The following C8orf34 variants were observed in gnomAD, a reference collection of about 807,000 sequenced individuals.
C8orf34 encodes uncharacterized protein C8orf34.
Under a neutral mutation model 68.3 loss-of-function variants are expected in C8orf34, and 65 were observed. The observed-to-expected ratio is 0.95, with a 90% CI of 0.78 to 1.17. The LOEUF is 1.17. C8orf34 is among the 50% of genes most tolerant of loss of function. The pLI is 0.00. For synonymous variants in C8orf34, 244 were observed against 241.2 expected (o/e 1.01, Z -0.11); for missense variants, 664 against 655.4 (o/e 1.01, Z -0.14).
intron 3 of C8orf34, among the ~76,000 whole-genome samples, chr8:68,454,322 G>A (rs1341343234): frequency 6.6e-6 from 1 of 152,014 alleles, no homozygotes; most frequent in Non-Finnish European, 1.5e-5. Flanking sequence ...TTTTTTGGAA[G>A]AATAGATAAA....
intron 8 of C8orf34, among the ~76,000 whole-genome samples, chr8:68,666,036 T>A (rs920181956): frequency 1.3e-5 from 2 of 152,190 alleles, no homozygotes; most frequent in African/African-American, 4.8e-5. Flanking sequence ...GAATAATAGC[T>A]AATTTTTATT....
chr8:68,567,577 C>CTTTTTTTTTTTTTTTTTTTTTTTTTTTT (rs1160845483), intron 7 of C8orf34, among the ~76,000 whole-genome samples: 1 of 29,780 alleles, frequency 3.4e-5, no homozygotes, highest in African/African-American at 1.2e-4. Flanking sequence ...TTTCATTTAT[C>CTTTTTTTTTTTTTTTTTTTTTTTTTTTT]TTTTTTTTTT....
At chr8:68,708,866 T>G in intron 8 of C8orf34, 128 bp from the exon 9 acceptor site, 1 of 711,128 alleles carries the variant, frequency 1.4e-6, no homozygotes. Context: ...GAACTTGTAT[T>G]TCTATTTTGA....
rs754495271 is a variant in C8orf34 at position 68,640,383 on chromosome 8, T to A, written c.1113T>A (p.Leu371=). Residue 371 remains leucine, a synonymous_variant, in exon 8 of 14, where the codon CTT becomes CTA. Coordinates refer to ENST00000518698, the MANE Select transcript of C8orf34 (RefSeq NM_052958.4). ...EDDAMELLED[L]NDLRMEGVTT... ...TTGTTTGTGTTGTTACAGAGGATCT[T>A]AATGATTTAAGAATGGAGGGAGTAA... The A allele has an allele frequency of 1.2e-6, 2 of 1,613,266 alleles. No individual in the cohort carries two copies. Among genetic ancestry groups the A allele is most frequent in the Non-Finnish European group, 1.7e-6 (2 of 1,179,596 alleles).
At chr8:68,803,731 T>C (rs992373409) in intron 12 of C8orf34, among the ~76,000 whole-genome samples, 1 of 152,052 alleles carries the variant, frequency 6.6e-6, no homozygotes, top group South Asian at 2.1e-4. Flanking sequence ...TATAAGATAA[T>C]AGATAGTTTT....
chr8:68,542,706 T>G lies in C8orf34; in HGVS notation c.1105+9557T>G, dbSNP rs571568553. On this transcript the variant is annotated intron_variant, in intron 7 of 13. Coordinates refer to ENST00000518698, the MANE Select transcript of C8orf34 (RefSeq NM_052958.4). The stretch of plus-strand genomic sequence containing the variant: ...AAGCTTTCAACTGAGAGATAGAAAG[T>G]CTTGAAAACATACATTTTATTTATT... 3.2e-3 allele frequency among the ~76,000 whole-genome samples: 483 copies of G among 152,254 alleles called. 4 individuals carry two copies. Among genetic ancestry groups the G allele is most frequent in the African/African-American group, 0.011 (464 of 41,572 alleles).
chr8:68,351,247 G>T (rs1806500289), intron 1 of C8orf34, among the ~76,000 whole-genome samples: 1 of 151,870 alleles, frequency 6.6e-6, no homozygotes, highest in Admixed American at 6.6e-5. Flanking sequence ...TAGGATTCTT[G>T]GTTGAATAAT....
At position 68,433,604 on chromosome 8, in the gene C8orf34, G is replaced by T. The variant is rs189826848; in HGVS notation, c.328-5895G>T. 9.2e-5 allele frequency among the ~76,000 whole-genome samples: 14 copies of T among 152,286 alleles called. No individual in the cohort carries two copies. The East Asian group carries it at 2.7e-3, about 29-fold the overall frequency. Reference sequence around the variant, plus strand: ...AGTGCCATGCTGGGTGTGTGCTGTGGTACCCAGAGCCAGGGTTTTTAACCT... The same window carrying T: ...AGTGCCATGCTGGGTGTGTGCTGTGTTACCCAGAGCCAGGGTTTTTAACCT... On this transcript the variant is annotated intron_variant, in intron 1 of 13. Transcript: ENST00000518698.
At chr8:68,484,728 C>A (rs1813002881) in intron 4 of C8orf34, among the ~76,000 whole-genome samples, 1 of 152,096 alleles carries the variant, frequency 6.6e-6, no homozygotes, top group African/African-American at 2.4e-5. Flanking sequence ...GAGCTTCATG[C>A]CTCTGTGAAG....
Position 68,502,214 on chromosome 8 carries a change from C to T in C8orf34, c.765+14163C>T, listed in dbSNP as rs563438893. Among the ~76,000 whole-genome samples the T allele has an allele frequency of 7.2e-5, 11 of 152,232 alleles. No individual in the cohort carries two copies. The South Asian group carries it at 1.7e-3, about 23-fold the overall frequency. On this transcript the variant is annotated intron_variant, in intron 5 of 13. Transcript: ENST00000518698. ...CTGAATAGCTGGGATTACAGGCGCA[C>T]GCCACCATGCCCGGCTAATTTTTGT... is the stretch of plus-strand genomic sequence containing the variant.
intron 5 of C8orf34, among the ~76,000 whole-genome samples, chr8:68,501,741 T>A (rs1813780799): frequency 6.6e-6 from 1 of 152,198 alleles, no homozygotes; most frequent in African/African-American, 2.4e-5. Flanking sequence ...TGTGAGTATC[T>A]GTCCCGTGAT....
At chr8:68,814,191 T>G (rs1193936439) in intron 12 of C8orf34, among the ~76,000 whole-genome samples, 1 of 152,184 alleles carries the variant, frequency 6.6e-6, no homozygotes, top group Non-Finnish European at 1.5e-5. Flanking sequence ...ACAAGCAGTA[T>G]CAGCATCAAC....
chr8:68,407,229 T>C (rs1248454531), intron 1 of C8orf34, among the ~76,000 whole-genome samples: 1 of 152,142 alleles, frequency 6.6e-6, no homozygotes, highest in Non-Finnish European at 1.5e-5. Flanking sequence ...TTTTTATCGT[T>C]ATAAAATATC....
chr8:68,617,427 T>C (rs1395951606), intron 7 of C8orf34, among the ~76,000 whole-genome samples: 1 of 152,224 alleles, frequency 6.6e-6, no homozygotes, highest in Admixed American at 6.5e-5. Flanking sequence ...TGGTACTGGT[T>C]GTTCCTTTCC....
chr8:68,676,945 A>G (rs1206321494), intron 8 of C8orf34, among the ~76,000 whole-genome samples: 1 of 152,166 alleles, frequency 6.6e-6, no homozygotes, highest in Non-Finnish European at 1.5e-5. Context: ...CTTGAGACCC[A>G]TTCACTATCA....
intron 8 of C8orf34, among the ~76,000 whole-genome samples, chr8:68,643,367 T>A (rs954031538): frequency 6.6e-6 from 1 of 152,206 alleles, no homozygotes; most frequent in East Asian, 1.9e-4. Context: ...ATAAACAGAA[T>A]CACGGTGGGG....
In C8orf34 at chr8:68,341,364, AG is replaced by A. The variant is rs1428787770; in HGVS notation, c.327+10026del. On this transcript the variant is annotated intron_variant, in intron 1 of 13. Coordinates refer to ENST00000518698, the MANE Select transcript of C8orf34 (RefSeq NM_052958.4). Reference sequence around the variant, plus strand: ...TGGATATCCATTGGCAGAAAACCAAAGCTCGACCTCAGTCTTACACCTTGTA... The same window carrying A: ...TGGATATCCATTGGCAGAAAACCAAACTCGACCTCAGTCTTACACCTTGTA... Among the ~76,000 whole-genome samples the A allele has an allele frequency of 7.2e-5, 11 of 152,338 alleles. No homozygotes were observed. In the East Asian group the frequency reaches 2.1e-3, roughly 29 times the overall value.
intron 9 of C8orf34, among the ~76,000 whole-genome samples, chr8:68,718,024 C>T (rs979895911): frequency 6.6e-6 from 1 of 152,192 alleles, no homozygotes; most frequent in African/African-American, 2.4e-5. Flanking sequence ...TGCATGTGTA[C>T]CTTCACTTAT....
Position 68,599,040 on chromosome 8 carries a change from AT to A in C8orf34, c.1106-41335del, listed in dbSNP as rs530843655. ...AATTCTAGTAGAAAAAGAAAAAAAA[AT>A]AGAAGTTAAACAAGATTAAGTTAAT... On this transcript the variant is annotated intron_variant, in intron 7 of 13. Coordinates refer to ENST00000518698, the MANE Select transcript of C8orf34 (RefSeq NM_052958.4). Among the ~76,000 whole-genome samples the A allele has an allele frequency of 3.3e-3, 501 of 152,184 alleles. 4 individuals carry two copies. The highest frequency in any genetic ancestry group is 0.011 in the African/African-American group (463 of 41,570).
Sources: gnomAD v4.1 joint callset for allele counts (sites outside exome capture counted in the v4.1 genomes callset) on GRCh38, gnomAD v4.1.1 for gene constraint, MANE v1.5 for transcripts, NCBI Gene and HGNC (gene_info 2026-07-23, HGNC 2026-07-21) for gene names.